Variants in ERN2 observed in about 807,000 individuals in gnomAD.
ERN2 encodes the protein serine/threonine-protein kinase/endoribonuclease IRE2.
In ERN2, 111 loss-of-function variants were observed where a neutral mutation model predicts 107.9. That is an observed-to-expected ratio of 1.03 (90% CI 0.88 to 1.20). The LOEUF is 1.20. Among genes scored for constraint, ERN2 ranks in the 50% most tolerant of loss-of-function variants. The pLI, the probability that ERN2 is intolerant of heterozygous loss-of-function variation, is 0.00. For missense variants in ERN2, 1,225 were observed against 1,197.9 expected, an observed-to-expected ratio of 1.02 and a Z score of -0.33; for synonymous variants, 524 against 501.7, an observed-to-expected ratio of 1.04 and a Z score of -0.59.
At chr16:23,711,373 A>G (rs1960535390) in intron 1 of ERN2, among the ~76,000 whole-genome samples, 1 of 152,168 alleles carries the variant, frequency 6.6e-6, no homozygotes, top group East Asian at 1.9e-4. Flanking sequence ...TTGTTTTAAT[A>G]TAAGACAGGG....
intron 4 of ERN2, among the ~76,000 whole-genome samples, chr16:23,708,141 G>A (rs368650592): frequency 6.6e-6 from 1 of 152,116 alleles, no homozygotes; most frequent in African/African-American, 2.4e-5. Flanking sequence ...CCAGCTCCAG[G>A]CTGTGGTAGC....
Position 23,713,079 on chromosome 16 carries a change from G to C in ERN2, c.93+16C>G. The C allele has an allele frequency of 2.0e-6, 3 of 1,515,678 alleles. No individual in the cohort carries two copies. The highest frequency in any genetic ancestry group is 2.6e-6 in the Non-Finnish European group (3 of 1,136,632). 93.9% of individuals were successfully genotyped at this position (1,515,678 alleles called of 1,614,324 possible). The stretch of plus-strand genomic sequence containing the variant: ...GACCAGACTTTGGGGACTTGGCGTC[G>C]GTCCCTGGCTCTCACCTGTGGACTC... On this transcript the variant is annotated intron_variant, in intron 1 of 21. Coordinates refer to ENST00000256797, the MANE Select transcript of ERN2 (RefSeq NM_033266.4).
intron 2 of ERN2, 112 bp downstream of exon 2, chr16:23,710,801 G>T: frequency 2.2e-6 from 2 of 901,764 alleles, no homozygotes; most frequent in East Asian, 2.4e-5. Flanking sequence ...GCTGCCTGTA[G>T]ATACCAGCTT....
rs138352656 is a variant in ERN2, at chr16:23,710,545, G to C, written c.204C>G (p.Pro68=). The C allele has an allele frequency of 9.3e-6, 15 of 1,614,012 alleles. No individual in the cohort carries two copies. Among genetic ancestry groups the C allele is most frequent in the African/African-American group, 1.3e-5 (1 of 74,912 alleles). ...GDLKWTLRDD[P]VIEGPMYVTE... ...TGACGTACATTGGTCCTTCGATGAC[G>C]GGATCTGCAGGGACAGGGACACAGA... The change falls in exon 3 of 22, where the codon CCC becomes CCG. Residue 68 remains proline, a synonymous_variant. Transcript: ENST00000256797.
chr16:23,694,802 G>T lies in ERN2; in HGVS notation c.2026C>A (p.Leu676Ile). Reference sequence around the variant, plus strand: ...TCCGTGCCGGGGATGCCGGAGTGGAGGCTGAAGCTACAGCGGCCAGCAGGC... The same window carrying T: ...TCCGTGCCGGGGATGCCGGAGTGGATGCTGAAGCTACAGCGGCCAGCAGGC... ...KLPAGRCSFS[L>I]HSGIPGTEGW... Residue 676 changes from leucine (L) to isoleucine (I), a missense_variant, in exon 17 of 22, where the codon CTC (leucine) becomes ATC (isoleucine). Transcript: ENST00000256797. 6.2e-7 allele frequency: 1 copy of T among 1,613,786 alleles called. No individual in the cohort carries two copies. Among genetic ancestry groups the T allele is most frequent in the Non-Finnish European group, 8.5e-7 (1 of 1,179,942 alleles).
intron 2 of ERN2, 102 bp from the exon 3 acceptor site, chr16:23,710,651 C>T (rs1960503723): frequency 1.5e-6 from 2 of 1,349,592 alleles, no homozygotes; most frequent in Admixed American, 1.7e-5. Flanking sequence ...ATGTCAAGCA[C>T]TTGGTGTGAA....
intron 4 of ERN2, chr16:23,709,270 C>T (rs1368087446): frequency 2.5e-6 from 1 of 407,152 alleles, no homozygotes; most frequent in African/African-American, 2.1e-5. Context: ...TGCACTCCAG[C>T]CTGGACACAT....
At chr16:23,701,400 C>T (rs139358065) in intron 11 of ERN2, among the ~76,000 whole-genome samples, 245 of 152,298 alleles carry the variant, frequency 1.6e-3, no homozygotes, top group African/African-American at 4.4e-3. Context: ...ATCCTAAACG[C>T]GTTAGCGCTG....
At chr16:23,708,347 CTTTTTTTTTTTT>C (rs747761449) in intron 4 of ERN2, among the ~76,000 whole-genome samples, 3 of 54,716 alleles carry the variant, frequency 5.5e-5, no homozygotes, top group African/African-American at 8.0e-5. Flanking sequence ...TGGTGCTATT[CTTTTTTTTTTTT>C]TTTTTTTTTT....
chr16:23,699,377 C>A (rs1370566432), intron 13 of ERN2, among the ~76,000 whole-genome samples: 1 of 152,242 alleles, frequency 6.6e-6, no homozygotes, highest in Non-Finnish European at 1.5e-5. Flanking sequence ...CAAAGACAAC[C>A]AAAACCATGA....
chr16:23,708,065 G>A (rs1960395727), intron 4 of ERN2, among the ~76,000 whole-genome samples: 1 of 152,174 alleles, frequency 6.6e-6, no homozygotes, highest in South Asian at 2.1e-4. Context: ...AGTCCTCACG[G>A]GCTGGCTGTG....
Position 23,702,214 on chromosome 16 carries a change from C to A in ERN2, c.1141G>T (p.Gly381Trp). The A allele has an allele frequency of 6.2e-7, 1 of 1,614,146 alleles. No homozygotes were observed. The highest frequency in any genetic ancestry group is 8.5e-7 in the Non-Finnish European group (1 of 1,180,012). ...GGTCTTGTCTCTGCAGTTCCACTCC[C>A]CAGGGTGGGATGGACCCTCAGCATG... ...TTMLRVHPTLGSGTAETRPPE... is the reference protein window; with the variant it reads ...TTMLRVHPTLWSGTAETRPPE... The change falls in exon 11 of 22, where the codon GGG becomes TGG. Residue 381 changes from glycine (G) to tryptophan (W), a missense_variant. By Grantham distance (184) the Gly-to-Trp change is radical. Coordinates refer to ENST00000256797, the MANE Select transcript of ERN2 (RefSeq NM_033266.4).
At chr16:23,711,559 T>C (rs1960541593) in intron 1 of ERN2, among the ~76,000 whole-genome samples, 1 of 152,016 alleles carries the variant, frequency 6.6e-6, no homozygotes. Context: ...GGTCTTGCTA[T>C]GTTGTCTAGG....
chr16:23,701,049 G>A lies in ERN2; in HGVS notation c.1269C>T (p.Asp423=). Residue 423 remains aspartate (D), a synonymous_variant, in exon 12 of 22, where the codon GAC becomes GAT. Transcript: ENST00000256797. The part of the protein sequence containing the change: ...SELHPEEKTP[D]SYLGLGPQDL... Reference sequence around the variant, plus strand: ...CTTGGGGTCCCAGCCCCAAGTAAGAGTCTGGAGTTTTTTCTTCTGGATGCA... The same window carrying A: ...CTTGGGGTCCCAGCCCCAAGTAAGAATCTGGAGTTTTTTCTTCTGGATGCA... 3 of 1,614,178 alleles carry A rather than the reference G, an allele frequency of 1.9e-6. No homozygotes were observed. The highest frequency in any genetic ancestry group is 2.5e-6 in the Non-Finnish European group (3 of 1,180,010).
chr16:23,700,551 C>T lies in ERN2; in HGVS notation c.1513G>A (p.Asp505Asn), dbSNP rs140896546. 1.8e-5 allele frequency: 29 copies of T among 1,612,474 alleles called. No individual in the cohort carries two copies. In the African/African-American group the frequency reaches 2.0e-4, roughly 11 times the overall value. Residue 505 changes from aspartate (D) to asparagine (N), a missense_variant, in exon 13 of 22, where the codon GAC (aspartate) becomes AAC (asparagine). Coordinates refer to ENST00000256797, the MANE Select transcript of ERN2 (RefSeq NM_033266.4). ...QSPSKQAQPLDDPEAEQLTVV... is the reference protein window; with the variant it reads ...QSPSKQAQPLNDPEAEQLTVV... ...CACACAGGCTCACCTTCAGGGTCGT[C>T]GAGTGGCTGGGCTTGCTTTGAGGGA...
chr16:23,694,779 C>G lies in ERN2; in HGVS notation c.2049G>C (p.Thr683=), dbSNP rs1012745130. Residue 683 remains threonine, a synonymous_variant, in exon 17 of 22, where the codon ACG becomes ACC. Coordinates refer to ENST00000256797, the MANE Select transcript of ERN2 (RefSeq NM_033266.4). ...GAAGCTCGGGCGCCATCCAGCCTTC[C>G]GTGCCGGGGATGCCGGAGTGGAGGC... ...SFSLHSGIPG[T]EGWMAPELLQ... 8.1e-6 allele frequency: 13 copies of G among 1,612,708 alleles called. No homozygotes were observed. Among genetic ancestry groups the G allele is most frequent in the Non-Finnish European group, 7.6e-6 (9 of 1,179,622 alleles).
Position 23,695,001 on chromosome 16 carries a change from C to T in ERN2, c.1900+18G>A, listed in dbSNP as rs752339013. ...GGGGCTAAGGACAGGGAGCGGGAGGCAGGGGAAGTGCGGGTACCTATGTGT... is the reference window on the plus strand; with the variant it reads ...GGGGCTAAGGACAGGGAGCGGGAGGTAGGGGAAGTGCGGGTACCTATGTGT... On this transcript the variant is annotated intron_variant, in intron 16 of 21. Transcript: ENST00000256797. 2 of 1,612,958 alleles carry T rather than the reference C, an allele frequency of 1.2e-6. No individual in the cohort carries two copies. The highest frequency in any genetic ancestry group is 1.7e-5 in the Admixed American group (1 of 59,856).
At position 23,702,482 on chromosome 16, in the gene ERN2, A is replaced by G; in HGVS notation, c.989T>C (p.Leu330Pro). Residue 330 changes from leucine to proline, a missense_variant, in exon 10 of 22, where the codon CTC (leucine) becomes CCC (proline). Leu to Pro is a moderately conservative substitution (Grantham distance 98). Coordinates refer to ENST00000256797, the MANE Select transcript of ERN2 (RefSeq NM_033266.4). ...ADGPTTDEVT[L>P]QVSGEREGSP... ...GCCCTCTCGCTCTCCTGAGACTTGG[A>G]GTGTCACCTCATCTGTGGTGGGGCC... 6.2e-7 allele frequency: 1 copy of G among 1,613,596 alleles called. No homozygotes were observed. Among genetic ancestry groups the G allele is most frequent in the Non-Finnish European group, 8.5e-7 (1 of 1,180,012 alleles).
Position 23,702,019 on chromosome 16 carries a change from C to G in ERN2, c.1203+133G>C, listed in dbSNP as rs1304998877. 5.6e-6 allele frequency: 5 copies of G among 888,962 alleles called. No homozygotes were observed. The African/African-American group carries it at 8.4e-5, about 15-fold the overall frequency. The allele number at this position is 888,962 out of a possible 1,614,324, so 55.1% of individuals were successfully genotyped here. A position where few individuals can be genotyped will look rare whatever the true frequency, so the allele number is the denominator to read the frequency against. Reference sequence around the variant, plus strand: ...AGTTGTGTTGTTCCCAACAAAAAGTCTGGGAAATTGTGTGAGGTCAATTGA... The same window carrying G: ...AGTTGTGTTGTTCCCAACAAAAAGTGTGGGAAATTGTGTGAGGTCAATTGA... On this transcript the variant is annotated intron_variant, in intron 11 of 21. Transcript: ENST00000256797.
Sources: gnomAD v4.1 joint callset for allele counts (sites outside exome capture counted in the v4.1 genomes callset) on GRCh38, gnomAD v4.1.1 for gene constraint, MANE v1.5 for transcripts, NCBI Gene and HGNC (gene_info 2026-07-23, HGNC 2026-07-21) for gene names.